CNOT11: variants seen among roughly 807,000 people sequenced by gnomAD.
CNOT11 encodes UPF0760 protein C2orf29.
Under a neutral mutation model 44.6 loss-of-function variants are expected in CNOT11, and 18 were observed. The observed-to-expected ratio is 0.40, with a 90% CI of 0.28 to 0.60. The LOEUF (loss-of-function observed/expected upper bound fraction) is 0.60, where lower values mean the gene tolerates loss of function less well. Among genes scored for constraint, CNOT11 ranks in the 20% least tolerant of loss-of-function variants. The pLI, the probability that CNOT11 is intolerant of heterozygous loss-of-function variation, is 0.38. For synonymous variants in CNOT11, 291 were observed against 270.9 expected (o/e 1.07, Z -0.73); for missense variants, 513 against 677.0 (o/e 0.76, Z 2.69).
chr2:101,256,867 T>C (rs1420194487), intron 1 of CNOT11, among the ~76,000 whole-genome samples: 1 of 150,948 alleles, frequency 6.6e-6, no homozygotes, highest in Non-Finnish European at 1.5e-5. Flanking sequence ...GCTAACACGG[T>C]GAAACCCTGT....
chr2:101,253,010 G>A lies in CNOT11; in HGVS notation c.46G>A (p.Ala16Thr). Residue 16 changes from alanine (A) to threonine (T), a missense_variant, in exon 1 of 7, where the codon GCC becomes ACC. By Grantham distance (58) the Ala-to-Thr change is moderately conservative. Around this residue, in one of 4 missense-constraint regions of CNOT11, gnomAD observed 259 missense variants for 265.7 expected, o/e 0.97. Coordinates refer to ENST00000289382, the MANE Select transcript of CNOT11 (RefSeq NM_017546.5). The surrounding 1 kb of genome is among the most constrained non-coding windows in gnomAD (Gnocchi z 4.3). Reference sequence around the variant, plus strand: ...CGCGGCGTCTGGCCGGCTTCTCACCGCCGCGGAGCAAAGAGGGTCCCGGGA... The same window carrying A: ...CGCGGCGTCTGGCCGGCTTCTCACCACCGCGGAGCAAAGAGGGTCCCGGGA... ...ASAASGRLLT[A>T]AEQRGSREAA... 1 of 1,501,382 alleles carries A rather than the reference G, an allele frequency of 6.7e-7. No homozygotes were observed. Among genetic ancestry groups the A allele is most frequent in the East Asian group, 2.8e-5 (1 of 35,558 alleles). 93.0% of individuals were successfully genotyped at this position (1,501,382 alleles called of 1,614,324 possible). A position where few individuals can be genotyped will look rare whatever the true frequency, so the allele number is the denominator to read the frequency against.
chr2:101,264,694 G>A (rs1681939985), intron 3 of CNOT11, 151 bp from the exon 4 acceptor site: 1 of 635,040 alleles, frequency 1.6e-6, no homozygotes, highest in Non-Finnish European at 2.8e-6. Context: ...GACTTCCTGT[G>A]TCATTCCTGC....
chr2:101,266,878 C>T lies in CNOT11; in HGVS notation c.1237C>T (p.Arg413Ter), dbSNP rs529051656. Residue 413 changes from arginine (R) to a stop codon, truncating the protein, a stop_gained and splice_region_variant, in exon 5 of 7, where the codon CGA becomes TGA. Coordinates refer to ENST00000289382, the MANE Select transcript of CNOT11 (RefSeq NM_017546.5). LOFTEE classifies it high-confidence loss of function. ...TTTACATTCAATGGAAGTTGTAAAT[C>T]GGTAAGTTTCTAGATTTGATCAAAT... ...MSLHSMEVVN[R>*]LTTAVDLPPE... 4.4e-6 allele frequency: 7 copies of T among 1,608,186 alleles called. No homozygotes were observed. The highest frequency in any genetic ancestry group is 1.1e-5 in the South Asian group (1 of 90,926).
chr2:101,263,217 G>GA (rs915454044), intron 3 of CNOT11, among the ~76,000 whole-genome samples: 94 of 140,888 alleles, frequency 6.7e-4, no homozygotes, highest in African/African-American at 1.3e-3. Context: ...TCTCAAAAAG[G>GA]AAAAAAAAAA....
At position 101,253,852 on chromosome 2, in the gene CNOT11, C is replaced by T. The variant is rs1409904052; in HGVS notation, c.514+374C>T. Among the ~76,000 whole-genome samples the T allele has an allele frequency of 6.6e-6, 1 of 152,164 alleles. No individual in the cohort carries two copies. The highest frequency in any genetic ancestry group is 1.5e-5 in the Non-Finnish European group (1 of 68,040). On this transcript the variant is annotated intron_variant, in intron 1 of 6. Coordinates refer to ENST00000289382, the MANE Select transcript of CNOT11 (RefSeq NM_017546.5). The surrounding 1 kb of genome is among the most constrained non-coding windows in gnomAD (Gnocchi z 4.3). ...TGGATCTGTCCCCGGTTTTTAGTCT[C>T]AAAGGAGTACGTGGAAGTCAGTATT...
At chr2:101,256,135 T>G (rs1403509935) in intron 1 of CNOT11, among the ~76,000 whole-genome samples, 1 of 103,654 alleles carries the variant, frequency 9.6e-6, no homozygotes, top group African/African-American at 4.2e-5. Flanking sequence ...TGAGACTGCC[T>G]CAAAAAAAAA....
At position 101,253,485 on chromosome 2, in the gene CNOT11, C is replaced by A. The variant is rs1195160087; in HGVS notation, c.514+7C>A. On this transcript the variant is annotated splice_region_variant and intron_variant, in intron 1 of 6. Coordinates refer to ENST00000289382, the MANE Select transcript of CNOT11 (RefSeq NM_017546.5). This position sits in a 1 kb window ranked among gnomAD's most constrained non-coding sequence, Gnocchi z 4.3. Reference sequence around the variant, plus strand: ...GACCGCCCTCCGCTCTCAGGTACCTCCTGAAGCCAGCTGTGCCGTGTGGAT... The same window carrying A: ...GACCGCCCTCCGCTCTCAGGTACCTACTGAAGCCAGCTGTGCCGTGTGGAT... The A allele has an allele frequency of 1.4e-6, 2 of 1,463,066 alleles. No homozygotes were observed. The highest frequency in any genetic ancestry group is 5.2e-5 in the Admixed American group (2 of 38,220). 90.6% of individuals were successfully genotyped at this position (1,463,066 alleles called of 1,614,324 possible). A position where few individuals can be genotyped will look rare whatever the true frequency, so the allele number is the denominator to read the frequency against.
In CNOT11 at chr2:101,253,130, G is replaced by A. The variant is rs2104358928; in HGVS notation, c.166G>A (p.Gly56Ser). 1 of 1,545,954 alleles carries A rather than the reference G, an allele frequency of 6.5e-7. No individual in the cohort carries two copies. The highest frequency in any genetic ancestry group is 8.7e-7 in the Non-Finnish European group (1 of 1,153,644). Residue 56 changes from glycine (G) to serine (S), a missense_variant, in exon 1 of 7, where the codon GGC becomes AGC. This residue lies in a region of CNOT11 where 259 missense variants were observed against 265.7 expected (regional missense o/e 0.97). Coordinates refer to ENST00000289382, the MANE Select transcript of CNOT11 (RefSeq NM_017546.5). This position sits in a 1 kb window ranked among gnomAD's most constrained non-coding sequence, Gnocchi z 4.3. ...CGGGTCCGGGAGCGGAGGCCCGGGG[G>A]GCCCCGCGGGCAGGATGAGCTTGAC... ...GPGSGSGGPG[G>S]PAGRMSLTPK...
At chr2:101,260,825 CTTT>C (rs5832956) in intron 2 of CNOT11, among the ~76,000 whole-genome samples, 2 of 147,800 alleles carry the variant, frequency 1.4e-5, no homozygotes, top group African/African-American at 2.5e-5. Flanking sequence ...GCCAATTTAT[CTTT>C]TTTTTTTTTT....
chr2:101,257,735 C>G, intron 1 of CNOT11, 56 bp from the exon 2 acceptor site: 1 of 1,449,920 alleles, frequency 6.9e-7, no homozygotes, highest in Non-Finnish European at 9.5e-7. Flanking sequence ...TTACCAGATT[C>G]AAGTTGATTT....
rs772367473 is a variant in CNOT11, at chr2:101,253,237, C to T, written c.273C>T (p.Ala91=). Residue 91 remains alanine, a synonymous_variant, in exon 1 of 7, where the codon GCC becomes GCT. Transcript: ENST00000289382. The surrounding 1 kb of genome is among the most constrained non-coding windows in gnomAD (Gnocchi z 4.3). ...GGSTFEGLST[A]FHHYFSKADH... Reference sequence around the variant, plus strand: ...GCACCTTCGAGGGCCTGTCCACCGCCTTCCACCACTACTTCAGCAAGGCCG... The same window carrying T: ...GCACCTTCGAGGGCCTGTCCACCGCTTTCCACCACTACTTCAGCAAGGCCG... 1.9e-6 allele frequency: 3 copies of T among 1,611,684 alleles called. No homozygotes were observed. The highest frequency in any genetic ancestry group is 2.5e-6 in the Non-Finnish European group (3 of 1,179,558).
chr2:101,262,167 A>T (rs1430599655), intron 2 of CNOT11, among the ~76,000 whole-genome samples: 1 of 152,046 alleles, frequency 6.6e-6, no homozygotes. Flanking sequence ...TTTTTTTAAA[A>T]CATTGATTTA....
chr2:101,256,208 G>A (rs1175294453), intron 1 of CNOT11, among the ~76,000 whole-genome samples: 1 of 152,086 alleles, frequency 6.6e-6, no homozygotes, highest in Non-Finnish European at 1.5e-5. Context: ...GGATGGGAGA[G>A]AAGGTCAAGA....
At chr2:101,258,031 G>C in intron 2 of CNOT11, 76 bp downstream of exon 2, 1 of 1,379,108 alleles carries the variant, frequency 7.3e-7, no homozygotes. Flanking sequence ...CTACTAAAAT[G>C]ATGTTTTTTG....
At chr2:101,254,581 G>A (rs1049704119) in intron 1 of CNOT11, among the ~76,000 whole-genome samples, 1 of 152,102 alleles carries the variant, frequency 6.6e-6, no homozygotes, top group African/African-American at 2.4e-5. Flanking sequence ...CAGGTTTGTG[G>A]TCAAAACTCA....
chr2:101,254,463 C>T (rs1294872556), intron 1 of CNOT11, among the ~76,000 whole-genome samples: 1 of 152,088 alleles, frequency 6.6e-6, no homozygotes, highest in Admixed American at 6.6e-5. Flanking sequence ...CCTGTAGTGC[C>T]CTTATCTAAG....
At chr2:101,265,630 G>C (rs938419033) in intron 4 of CNOT11, among the ~76,000 whole-genome samples, 1 of 152,094 alleles carries the variant, frequency 6.6e-6, no homozygotes. Context: ...GTGGGGTAGT[G>C]GGGGTGTCAC....
intron 1 of CNOT11, among the ~76,000 whole-genome samples, chr2:101,255,733 G>T (rs949413820): frequency 5.3e-5 from 8 of 152,196 alleles, no homozygotes; most frequent in African/African-American, 1.9e-4. Context: ...TAAGAGGAAG[G>T]AACGACCACC....
chr2:101,257,737 A>G (rs1331867288), intron 1 of CNOT11, 54 bp from the exon 2 acceptor site: 3 of 1,463,462 alleles, frequency 2.0e-6, no homozygotes, highest in Non-Finnish European at 2.8e-6. Flanking sequence ...ACCAGATTCA[A>G]GTTGATTTTT....
Sources: gnomAD v4.1 joint callset for allele counts (sites outside exome capture counted in the v4.1 genomes callset) on GRCh38, gnomAD v4.1.1 for gene constraint, gnomAD v4.1.1 regional missense constraint, Gnocchi (gnomAD v3.1) non-coding constraint, MANE v1.5 for transcripts, NCBI Gene and HGNC (gene_info 2026-07-23, HGNC 2026-07-21) for gene names.